Variants in GALR1 observed in about 807,000 individuals in gnomAD.
GALR1 encodes the protein galanin receptor 1, also known as galanin receptor type 1.
GALR1 carries 11 observed loss-of-function variants against 17.9 expected under a neutral mutation model. The ratio of observed to expected loss-of-function variants is 0.62; its 90% CI spans 0.39 to 1.02. GALR1 has a LOEUF of 1.02. Ranked by LOEUF, GALR1 falls within the 50% of genes least tolerant of loss-of-function variation. The probability of loss-of-function intolerance (pLI) is 0.01; values close to 1 mark genes in which losing one functional copy is unlikely to be tolerated. For synonymous variants in GALR1, 206 were observed against 205.7 expected (o/e 1.00, Z -0.01); for missense variants, 441 against 456.9 (o/e 0.97, Z 0.32).
At chr18:77,267,609 C>G (rs1178800830) in intron 2 of GALR1, among the ~76,000 whole-genome samples, 1 of 152,188 alleles carries the variant, frequency 6.6e-6, no homozygotes, top group Non-Finnish European at 1.5e-5. Flanking sequence ...GAGGAGAGAA[C>G]CAACTGATTG....
At position 77,269,060 on chromosome 18, in the gene GALR1, C is replaced by A. The variant is rs1485129916; in HGVS notation, c.*158C>A. On this transcript the variant is annotated 3_prime_UTR_variant, in exon 3 of 3. Coordinates refer to ENST00000299727, the MANE Select transcript of GALR1 (RefSeq NM_001480.4). ...ACGTGTGTTAAAAAGTACTTTGATC[C>A]ATTTAGGAAATTCCTAGGTCTAGTG... 1 of 617,830 alleles carries A rather than the reference C, an allele frequency of 1.6e-6. No homozygotes were observed. Among genetic ancestry groups the A allele is most frequent in the African/African-American group, 1.8e-5 (1 of 54,186 alleles). The allele number at this position is 617,830 out of a possible 1,614,324, so 38.3% of individuals were successfully genotyped here.
chr18:77,264,979 C>G (rs1275351053), intron 2 of GALR1, among the ~76,000 whole-genome samples: 2 of 152,156 alleles, frequency 1.3e-5, no homozygotes, highest in African/African-American at 4.8e-5. Flanking sequence ...CTTACTGCTC[C>G]TGGCCCCTCC....
chr18:77,260,040 C>G (rs991852758), intron 2 of GALR1, among the ~76,000 whole-genome samples: 2 of 152,118 alleles, frequency 1.3e-5, no homozygotes, highest in African/African-American at 4.8e-5. Context: ...CCAGCCCTTT[C>G]TCTCAATGTA....
At chr18:77,257,092 AT>A (rs1398824956) in intron 2 of GALR1, among the ~76,000 whole-genome samples, 2 of 152,176 alleles carry the variant, frequency 1.3e-5, no homozygotes, top group African/African-American at 4.8e-5. Flanking sequence ...GACATACCTA[AT>A]TTATAGAAAT....
At chr18:77,254,669 C>T (rs1381413839) in intron 1 of GALR1, among the ~76,000 whole-genome samples, 1 of 152,248 alleles carries the variant, frequency 6.6e-6, no homozygotes, top group Non-Finnish European at 1.5e-5. Context: ...TCCTCCAGCC[C>T]TTTCCTTCCC....
rs745422581 is a variant in GALR1 at position 77,250,789 on chromosome 18, G to A, written c.241G>A (p.Asp81Asn). The change falls in exon 1 of 3, where the codon GAC becomes AAC. Residue 81 changes from aspartate to asparagine, a missense_variant. Physicochemically the swap from Asp to Asn is conservative, Grantham distance 23. Transcript: ENST00000299727. ...NLFILNLSIADLAYLLFCIPF... is the reference protein window; with the variant it reads ...NLFILNLSIANLAYLLFCIPF... Reference sequence around the variant, plus strand: ...GTTCATCCTCAACCTGAGCATCGCCGACCTGGCCTACCTGCTCTTCTGCAT... The same window carrying A: ...GTTCATCCTCAACCTGAGCATCGCCAACCTGGCCTACCTGCTCTTCTGCAT... 6.8e-6 allele frequency: 11 copies of A among 1,613,838 alleles called. No homozygotes were observed. The African/African-American group carries it at 1.3e-4, about 20-fold the overall frequency.
At position 77,250,355 on chromosome 18, in the gene GALR1, C is replaced by A. The variant is rs5373; in HGVS notation, c.-194C>A. 6.6e-6 allele frequency among the ~76,000 whole-genome samples: 1 copy of A among 151,952 alleles called. No individual in the cohort carries two copies. The highest frequency in any genetic ancestry group is 1.9e-4 in the East Asian group (1 of 5,134). ...CGAACCCACCCTCTCTCAGAAGGTC[C>A]CGGCGCAAAGACGGTGCCACCAGGC... On this transcript the variant is annotated 5_prime_UTR_variant, in exon 1 of 3. Transcript: ENST00000299727.
Position 77,250,443 on chromosome 18 carries a change from C to T in GALR1, c.-106C>T. 2 of 1,206,276 alleles carry T rather than the reference C, an allele frequency of 1.7e-6. No homozygotes were observed. Among genetic ancestry groups the T allele is most frequent in the Non-Finnish European group, 2.2e-6 (2 of 914,262 alleles). The allele number at this position is 1,206,276 out of a possible 1,614,324, so 74.7% of individuals were successfully genotyped here. A position where few individuals can be genotyped will look rare whatever the true frequency, so the allele number is the denominator to read the frequency against. On this transcript the variant is annotated 5_prime_UTR_variant, in exon 1 of 3. Transcript: ENST00000299727. ...CGGGGGAAGCTCAGACTCCTAAACTCGCACTCTCCGTGCTTTGCGCCGGGA... is the reference window on the plus strand; with the variant it reads ...CGGGGGAAGCTCAGACTCCTAAACTTGCACTCTCCGTGCTTTGCGCCGGGA...
intron 1 of GALR1, among the ~76,000 whole-genome samples, chr18:77,252,635 G>A (rs754567544): frequency 3.3e-4 from 50 of 152,042 alleles, no homozygotes; most frequent in Non-Finnish European, 4.0e-4. Context: ...ATCACCTGAG[G>A]TCGGGAATTC....
At chr18:77,261,867 A>C (rs1319738613) in intron 2 of GALR1, among the ~76,000 whole-genome samples, 1 of 152,164 alleles carries the variant, frequency 6.6e-6, no homozygotes, top group Non-Finnish European at 1.5e-5. Context: ...TTTGTTGCCC[A>C]GGCTGGGGTG....
At chr18:77,259,026 GGTGGTGGTCATGA>G (rs1568141825) in intron 2 of GALR1, among the ~76,000 whole-genome samples, 29 of 33,606 alleles carry the variant, frequency 8.6e-4, no homozygotes, top group Admixed American at 3.4e-3. Flanking sequence ...TGTTGGTGTT[GGTGGTGGTCATGA>G]TGGTCATGGT....
At position 77,276,479 on chromosome 18, in the gene GALR1, A is replaced by G. The variant is rs1271383015; in HGVS notation, c.*7577A>G. 6.6e-6 allele frequency: 1 copy of G among 152,246 alleles called. No individual in the cohort carries two copies. The highest frequency in any genetic ancestry group is 2.4e-5 in the African/African-American group (1 of 41,466). The allele number at this position is 152,246 out of a possible 1,614,324, so 9.4% of individuals were successfully genotyped here. On this transcript the variant is annotated 3_prime_UTR_variant, in exon 3 of 3. Coordinates refer to ENST00000299727, the MANE Select transcript of GALR1 (RefSeq NM_001480.4). ...GATCAGAGATTCTTATATTTTATCA[A>G]GCATCAGAATCACCTGCAGAGCTTG...
At chr18:77,258,929 C>T (rs1166782285) in intron 2 of GALR1, among the ~76,000 whole-genome samples, 1 of 107,192 alleles carries the variant, frequency 9.3e-6, no homozygotes. Context: ...TGATGATGGT[C>T]ATGGTGGTGA....
In GALR1 at chr18:77,250,450, T is replaced by C. The variant is rs1568376441; in HGVS notation, c.-99T>C. ...AGCTCAGACTCCTAAACTCGCACTC[T>C]CCGTGCTTTGCGCCGGGACCCCTGG... On this transcript the variant is annotated 5_prime_UTR_variant, in exon 1 of 3. Transcript: ENST00000299727. 2.4e-6 allele frequency: 3 copies of C among 1,268,968 alleles called. No homozygotes were observed. Among genetic ancestry groups the C allele is most frequent in the Non-Finnish European group, 3.1e-6 (3 of 969,546 alleles). The allele number at this position is 1,268,968 out of a possible 1,614,324, so 78.6% of individuals were successfully genotyped here. A position where few individuals can be genotyped will look rare whatever the true frequency, so the allele number is the denominator to read the frequency against.
chr18:77,260,742 T>C (rs1001409979), intron 2 of GALR1, among the ~76,000 whole-genome samples: 1 of 152,224 alleles, frequency 6.6e-6, no homozygotes, highest in African/African-American at 2.4e-5. Context: ...AGGGCTAGGA[T>C]TGATCACATG....
intron 2 of GALR1, among the ~76,000 whole-genome samples, chr18:77,257,995 G>A (rs563311864): frequency 3.9e-5 from 6 of 152,332 alleles, no homozygotes; most frequent in South Asian, 2.1e-4. Flanking sequence ...TCTTACTTGT[G>A]TCGATGGTAG....
rs1166929358 is a variant in GALR1, at chr18:77,276,578, A to T, written c.*7676A>T. ...TTTGGGATGGAGCCCAACGATTTGCAGCTGGTCCAGAGACCACCTTGTGAG... is the reference window on the plus strand; with the variant it reads ...TTTGGGATGGAGCCCAACGATTTGCTGCTGGTCCAGAGACCACCTTGTGAG... On this transcript the variant is annotated 3_prime_UTR_variant, in exon 3 of 3. Transcript: ENST00000299727. 6.6e-6 allele frequency: 1 copy of T among 152,154 alleles called. No individual in the cohort carries two copies. Among genetic ancestry groups the T allele is most frequent in the African/African-American group, 2.4e-5 (1 of 41,412 alleles). 9.4% of individuals were successfully genotyped at this position (152,154 alleles called of 1,614,324 possible).
At position 77,270,060 on chromosome 18, in the gene GALR1, T is replaced by C. The variant is rs2144969730; in HGVS notation, c.*1158T>C. On this transcript the variant is annotated 3_prime_UTR_variant, in exon 3 of 3. Coordinates refer to ENST00000299727, the MANE Select transcript of GALR1 (RefSeq NM_001480.4). Reference sequence around the variant, plus strand: ...ACCATCACCATTTGAATTTCAAATGTAGTTTTCATGACAATTTTATATTGA... The same window carrying C: ...ACCATCACCATTTGAATTTCAAATGCAGTTTTCATGACAATTTTATATTGA... The C allele has an allele frequency of 6.6e-6, 1 of 152,386 alleles. No individual in the cohort carries two copies. Among genetic ancestry groups the C allele is most frequent in the African/African-American group, 2.4e-5 (1 of 41,600 alleles). 9.4% of individuals were successfully genotyped at this position (152,386 alleles called of 1,614,324 possible).
chr18:77,258,253 T>C (rs901662365), intron 2 of GALR1, among the ~76,000 whole-genome samples: 1 of 152,196 alleles, frequency 6.6e-6, no homozygotes, highest in Non-Finnish European at 1.5e-5. Context: ...TATATACATA[T>C]ACTAAATATA....
Sources: allele counts gnomAD v4.1 joint callset (sites outside exome capture counted in the v4.1 genomes callset), GRCh38; gene constraint gnomAD v4.1.1; transcripts MANE v1.5; gene names NCBI Gene and HGNC (gene_info 2026-07-23, HGNC 2026-07-21).